The following WDPCP variants were observed in gnomAD, a reference collection of about 807,000 sequenced individuals.
The protein encoded by WDPCP is WD repeat containing planar cell polarity effector, also known as WD repeat-containing and planar cell polarity effector protein fritz homolog.
Under a neutral mutation model 93.1 loss-of-function variants are expected in WDPCP, and 71 were observed. The observed-to-expected ratio is 0.76, with a 90% CI of 0.63 to 0.93. The LOEUF is 0.93. Among genes scored for constraint, WDPCP ranks in the 40% least tolerant of loss-of-function variants. The probability of loss-of-function intolerance (pLI) is 0.00; values close to 1 mark genes in which losing one functional copy is unlikely to be tolerated. For synonymous variants in WDPCP, 315 were observed against 315.0 expected (o/e 1.00, Z 0.00); for missense variants, 844 against 887.4 (o/e 0.95, Z 0.62).
At chr2:63,671,124 C>A (rs1710341414) in intron 2 of WDPCP, among the ~76,000 whole-genome samples, 1 of 152,062 alleles carries the variant, frequency 6.6e-6, no homozygotes, top group African/African-American at 2.4e-5. Context: ...TAGCTGGGAT[C>A]CTCTTTCTTC....
rs775953831 is a variant in WDPCP at position 63,404,119 on chromosome 2, C to T, written c.1364G>A (p.Gly455Asp). The change falls in exon 10 of 18, where the codon GGT (glycine) becomes GAT (aspartate). Residue 455 changes from glycine to aspartate, a missense_variant. Coordinates refer to ENST00000272321, the MANE Select transcript of WDPCP (RefSeq NM_015910.7). ...APQVVSQKGEGSDIYDLLFLR... is the reference protein window; with the variant it reads ...APQVVSQKGEDSDIYDLLFLR... Reference sequence around the variant, plus strand: ...GAAGAGGAGATCATAGATATCACTACCTTCACCCTTCTGAGAAACAACCTG... The same window carrying T: ...GAAGAGGAGATCATAGATATCACTATCTTCACCCTTCTGAGAAACAACCTG... The T allele has an allele frequency of 6.2e-7, 1 of 1,614,080 alleles. No individual in the cohort carries two copies. The highest frequency in any genetic ancestry group is 1.7e-5 in the Admixed American group (1 of 60,000).
upstream of WDPCP, among the ~76,000 whole-genome samples, chr2:63,831,579 C>CA (rs1671201777): frequency 6.6e-6 from 1 of 152,146 alleles, no homozygotes; most frequent in Non-Finnish European, 1.5e-5. Flanking sequence ...AATGCCCATA[C>CA]TAGTGATATT....
intron 2 of WDPCP, among the ~76,000 whole-genome samples, chr2:63,654,969 C>G (rs966392487): frequency 6.6e-6 from 1 of 152,266 alleles, no homozygotes; most frequent in South Asian, 2.1e-4. Flanking sequence ...CCTGAGCCCA[C>G]TCATCTCCCA....
chr2:63,452,233 C>T (rs182587007), intron 6 of WDPCP, among the ~76,000 whole-genome samples: 2 of 152,314 alleles, frequency 1.3e-5, no homozygotes, highest in Non-Finnish European at 2.9e-5. Context: ...TGATAAGCAA[C>T]TTCAGCAAAG....
intron 1 of WDPCP, among the ~76,000 whole-genome samples, chr2:63,562,617 C>G (rs191124520): frequency 6.6e-6 from 1 of 152,318 alleles, no homozygotes; most frequent in Admixed American, 6.5e-5. Context: ...TAAATTATTA[C>G]TATGAGAATT....
At chr2:63,466,548 T>A (rs935187246) in intron 6 of WDPCP, among the ~76,000 whole-genome samples, 3 of 152,248 alleles carry the variant, frequency 2.0e-5, no homozygotes, top group African/African-American at 7.2e-5. Context: ...AATAAGTCAC[T>A]TTTTAAGTTT....
At chr2:63,141,767 T>G (rs779084855) in intron 17 of WDPCP, among the ~76,000 whole-genome samples, 25 of 152,250 alleles carry the variant, frequency 1.6e-4, no homozygotes, top group East Asian at 3.9e-4. Flanking sequence ...GACTCTTTTT[T>G]TTGTTGTTGT....
At chr2:63,513,500 C>T (rs1443742608) in intron 1 of WDPCP, among the ~76,000 whole-genome samples, 2 of 152,084 alleles carry the variant, frequency 1.3e-5, no homozygotes, top group Admixed American at 1.3e-4. Context: ...CTCAGACGTT[C>T]TACTGCTCTC....
At chr2:63,347,109 T>C (rs1689245292) in intron 12 of WDPCP, among the ~76,000 whole-genome samples, 1 of 152,190 alleles carries the variant, frequency 6.6e-6, no homozygotes, top group Admixed American at 6.5e-5. Context: ...TAATATTTAT[T>C]AGGATCTTCT....
chr2:63,449,928 T>C (rs548159593), intron 6 of WDPCP, among the ~76,000 whole-genome samples: 2 of 152,272 alleles, frequency 1.3e-5, no homozygotes, highest in Non-Finnish European at 2.9e-5. Context: ...CAGCACTGGT[T>C]GGTCCCAAAG....
intron 2 of WDPCP, among the ~76,000 whole-genome samples, chr2:63,657,412 T>A (rs1710181556): frequency 6.6e-6 from 1 of 152,086 alleles, no homozygotes; most frequent in Non-Finnish European, 1.5e-5. Context: ...TTCACCGTGT[T>A]AGCCCGGATG....
intron 2 of WDPCP, among the ~76,000 whole-genome samples, chr2:63,786,459 T>C (rs1670467989): frequency 6.6e-6 from 1 of 152,196 alleles, no homozygotes; most frequent in African/African-American, 2.4e-5. Context: ...AGTCCAAAGC[T>C]ACAGGAGTCC....
intron 12 of WDPCP, among the ~76,000 whole-genome samples, chr2:63,362,607 C>G (rs952325910): frequency 6.6e-6 from 1 of 151,930 alleles, no homozygotes; most frequent in African/African-American, 2.4e-5. Context: ...TGAGCTGGCT[C>G]TCTCAGAAAT....
chr2:63,168,474 T>G (rs1673156525), intron 15 of WDPCP: 1 of 152,130 alleles, frequency 6.6e-6, no homozygotes, highest in South Asian at 2.1e-4. Flanking sequence ...AAATTGAATC[T>G]TTTTCTTTTA....
chr2:63,623,399 G>C (rs952804054), intron 3 of WDPCP, among the ~76,000 whole-genome samples: 2 of 152,070 alleles, frequency 1.3e-5, no homozygotes, highest in Admixed American at 1.3e-4. Context: ...AAATTGGATA[G>C]AGTCAAGACC....
intron 3 of WDPCP, among the ~76,000 whole-genome samples, chr2:63,607,463 G>A (rs906019102): frequency 6.6e-6 from 1 of 151,870 alleles, no homozygotes; most frequent in African/African-American, 2.4e-5. Context: ...GTTGTCCCGG[G>A]GGGCGGAAGT....
At chr2:63,321,237 AAAGT>A (rs1292195336) in intron 12 of WDPCP, among the ~76,000 whole-genome samples, 1 of 152,144 alleles carries the variant, frequency 6.6e-6, no homozygotes, top group Non-Finnish European at 1.5e-5. Context: ...TTAAACAAAT[AAAGT>A]AATAGATGAT....
intron 2 of WDPCP, among the ~76,000 whole-genome samples, chr2:63,716,576 C>G (rs922499553): frequency 2.6e-5 from 4 of 152,160 alleles, no homozygotes; most frequent in African/African-American, 9.7e-5. Context: ...GAGTTGTCCA[C>G]CCATTTTGTT....
In WDPCP at chr2:63,446,772, T is replaced by C. The variant is rs376268874; in HGVS notation, c.385-6901A>G. ...ATTGAAAGTGCCCCATAGCAAGTAA[T>C]TGAGCTACCTTAGCTTGAAAGAAAT... On this transcript the variant is annotated intron_variant, in intron 6 of 17. Transcript: ENST00000272321. Among the ~76,000 whole-genome samples, 286 of 152,290 alleles carry C rather than the reference T, an allele frequency of 1.9e-3. 13 individuals carry two copies. The South Asian group carries it at 0.057, about 30-fold the overall frequency.
Sources: allele counts gnomAD v4.1 joint callset (sites outside exome capture counted in the v4.1 genomes callset), GRCh38; gene constraint gnomAD v4.1.1; transcripts MANE v1.5; gene names NCBI Gene and HGNC (gene_info 2026-07-23, HGNC 2026-07-21).